The following PALM2AKAP2 variants were observed in gnomAD, a reference collection of about 807,000 sequenced individuals.
The protein encoded by PALM2AKAP2 is PALM2 and AKAP2 fusion.
In PALM2AKAP2, 37 loss-of-function variants were observed where a neutral mutation model predicts 71.5. The ratio of observed to expected loss-of-function variants is 0.52; its 90% confidence interval spans 0.40 to 0.68. The LOEUF (loss-of-function observed/expected upper bound fraction) is 0.68, where lower values mean the gene tolerates loss of function less well. PALM2AKAP2 is among the 30% of genes least tolerant of loss of function. The pLI is 0.00. For missense variants in PALM2AKAP2, 1,224 were observed against 1,191.8 expected (o/e 1.03, Z -0.40); for synonymous variants, 468 against 478.8 (o/e 0.98, Z 0.29).
At chr9:109,839,937 A>G (rs1828606505) in intron 1 of PALM2AKAP2, among the ~76,000 whole-genome samples, 1 of 152,114 alleles carries the variant, frequency 6.6e-6, no homozygotes, top group Non-Finnish European at 1.5e-5. Flanking sequence ...TGGTCATACT[A>G]CCCAAAGTAA....
At chr9:110,109,003 G>A (rs1031159689) in intron 1 of PALM2AKAP2, among the ~76,000 whole-genome samples, 1 of 151,996 alleles carries the variant, frequency 6.6e-6, no homozygotes, top group Non-Finnish European at 1.5e-5. Flanking sequence ...ATTCAAAGCA[G>A]CAGGGTGGTA....
chr9:109,930,869 G>A (rs1298118733), intron 5 of PALM2AKAP2, among the ~76,000 whole-genome samples: 4 of 152,276 alleles, frequency 2.6e-5, no homozygotes, highest in African/African-American at 7.2e-5. Context: ...TGCAGTGCTC[G>A]TGAGCCAAGA....
chr9:109,785,235 T>A (rs1826929863), intron 1 of PALM2AKAP2, among the ~76,000 whole-genome samples: 1 of 152,252 alleles, frequency 6.6e-6, no homozygotes, highest in Non-Finnish European at 1.5e-5. Context: ...CTTTAGGGAA[T>A]TTTGTCATTT....
chr9:110,136,755 T>C (rs945679709), exon 2 of PALM2AKAP2: 1 of 1,614,044 alleles, frequency 6.2e-7, no homozygotes, highest in Non-Finnish European at 8.5e-7. Flanking sequence ...CTCACCACAC[T>C]GAAAAAGGAG....
chr9:109,889,785 A>C (rs1830044278), intron 3 of PALM2AKAP2, among the ~76,000 whole-genome samples: 1 of 152,198 alleles, frequency 6.6e-6, no homozygotes, highest in Non-Finnish European at 1.5e-5. Context: ...TTGGTCTGGC[A>C]AATTGGGTTT....
At chr9:109,863,035 A>G (rs1431863171) in intron 1 of PALM2AKAP2, 4 of 456,618 alleles carry the variant, frequency 8.8e-6, no homozygotes, top group Middle Eastern at 3.4e-4. Context: ...ATGGGGAGAC[A>G]TCCTTGGTTT....
intron 6 of PALM2AKAP2, among the ~76,000 whole-genome samples, chr9:110,000,776 T>C (rs1281907079): frequency 1.3e-5 from 2 of 152,226 alleles, no homozygotes; most frequent in Non-Finnish European, 2.9e-5. Flanking sequence ...ATGATGAGCA[T>C]TTTTTCATGT....
At chr9:109,805,631 A>C (rs972452441) in intron 1 of PALM2AKAP2, among the ~76,000 whole-genome samples, 3 of 152,158 alleles carry the variant, frequency 2.0e-5, no homozygotes, top group African/African-American at 7.2e-5. Flanking sequence ...AAAATTCCTC[A>C]ATATTTAGAG....
At chr9:110,107,459 G>A (rs1248305141) in intron 1 of PALM2AKAP2, among the ~76,000 whole-genome samples, 1 of 152,186 alleles carries the variant, frequency 6.6e-6, no homozygotes, top group African/African-American at 2.4e-5. Context: ...GGGTGGAGAT[G>A]ATAATAGTTT....
intron 1 of PALM2AKAP2, among the ~76,000 whole-genome samples, chr9:109,754,235 C>T (rs1353792230): frequency 6.6e-6 from 1 of 152,150 alleles, no homozygotes; most frequent in Admixed American, 6.6e-5. Context: ...AGCTACTTCT[C>T]TAAGATCACA....
chr9:110,058,193 A>G (rs1833887308), intron 1 of PALM2AKAP2, among the ~76,000 whole-genome samples: 1 of 152,220 alleles, frequency 6.6e-6, no homozygotes, highest in South Asian at 2.1e-4. Flanking sequence ...ATCTCTAGGA[A>G]GTAGATCTTA....
intron 6 of PALM2AKAP2, among the ~76,000 whole-genome samples, chr9:110,006,336 T>A (rs944648347): frequency 1.5e-5 from 2 of 129,874 alleles, no homozygotes; most frequent in African/African-American, 6.0e-5. Context: ...CTTTCTTTCT[T>A]TCTTTCTTTC....
chr9:110,129,593 A>G (rs891583762), intron 1 of PALM2AKAP2, among the ~76,000 whole-genome samples: 1 of 152,216 alleles, frequency 6.6e-6, no homozygotes, highest in Non-Finnish European at 1.5e-5. Flanking sequence ...ATCAGCTGAC[A>G]TATGTATGTG....
intron 6 of PALM2AKAP2, among the ~76,000 whole-genome samples, chr9:110,008,642 G>C (rs1273287373): frequency 6.6e-6 from 1 of 152,074 alleles, no homozygotes; most frequent in African/African-American, 2.4e-5. Flanking sequence ...GGCTATGCTG[G>C]TGTAATAAAC....
intron 1 of PALM2AKAP2, among the ~76,000 whole-genome samples, chr9:109,851,627 C>A (rs887349112): frequency 1.3e-5 from 2 of 152,138 alleles, no homozygotes; most frequent in African/African-American, 4.8e-5. Flanking sequence ...ATGATAAAGA[C>A]CAACCTGCCT....
chr9:110,045,197 G>T (rs544784873), upstream of PALM2AKAP2, among the ~76,000 whole-genome samples: 1 of 152,250 alleles, frequency 6.6e-6, no homozygotes, highest in African/African-American at 2.4e-5. Context: ...TTCCATGGAA[G>T]ATTTTGTGCC....
At chr9:109,803,291 C>T (rs900035917) in intron 1 of PALM2AKAP2, among the ~76,000 whole-genome samples, 1 of 152,252 alleles carries the variant, frequency 6.6e-6, no homozygotes, top group Admixed American at 6.5e-5. Context: ...TTCATAAAGT[C>T]CTTTAATAGT....
intron 1 of PALM2AKAP2, among the ~76,000 whole-genome samples, chr9:109,661,130 G>T (rs1827388490): frequency 6.6e-6 from 1 of 152,096 alleles, no homozygotes; most frequent in Non-Finnish European, 1.5e-5. Flanking sequence ...TCATTCTGAT[G>T]GTTGTTTCTT....
chr9:110,031,272 G>T (rs974757869), intron 7 of PALM2AKAP2, among the ~76,000 whole-genome samples: 1 of 152,120 alleles, frequency 6.6e-6, no homozygotes, highest in African/African-American at 2.4e-5. Context: ...TGGGATTACA[G>T]GTGTGCGCCA....
Sources: allele counts gnomAD v4.1 joint callset (sites outside exome capture counted in the v4.1 genomes callset), GRCh38; gene constraint gnomAD v4.1.1; transcripts MANE v1.5; gene names NCBI Gene and HGNC (gene_info 2026-07-23, HGNC 2026-07-21).